Variants in COPRS observed in about 807,000 individuals in gnomAD.
COPRS encodes cooperator of PRMT5.
COPRS carries 11 observed loss-of-function variants against 19.9 expected under a neutral mutation model. The ratio of observed to expected loss-of-function variants is 0.55; its 90% CI spans 0.35 to 0.92. COPRS has a LOEUF of 0.92. COPRS is among the 40% of genes least tolerant of loss of function. The pLI is 0.01. For missense variants in COPRS, 225 were observed against 229.9 expected (o/e 0.98, Z 0.14); for synonymous variants, 81 against 82.7 (o/e 0.98, Z 0.11).
intron 1 of COPRS, among the ~76,000 whole-genome samples, chr17:31,857,923 G>C (rs1909413204): frequency 6.6e-6 from 1 of 152,064 alleles, no homozygotes. Context: ...AGTCATGTCT[G>C]GGTTTAATAA....
chr17:31,858,847 G>T (rs1308900153), intron 1 of COPRS: 1 of 1,547,482 alleles, frequency 6.5e-7, no homozygotes. Context: ...GGCGCCCAGC[G>T]GGCGGACAGC....
rs1189041214 is a variant in COPRS at position 31,859,013 on chromosome 17, G to A, written c.99+88C>T. ...GAGGCCGGCCAGAGGCGCTTCCCCG[G>A]CCCCGCGGCCCCCGCCCAGCCCGGC... On this transcript the variant is annotated intron_variant, in intron 1 of 3. Coordinates refer to ENST00000302362, the MANE Select transcript of COPRS (RefSeq NM_018405.4). The A allele has an allele frequency of 4.9e-6, 6 of 1,212,880 alleles. No individual in the cohort carries two copies. The African/African-American group carries it at 6.4e-5, about 13-fold the overall frequency. 75.1% of individuals were successfully genotyped at this position (1,212,880 alleles called of 1,614,324 possible).
At chr17:31,858,903 C>CCCCGCA (rs1909445265) in intron 1 of COPRS, 198 bp downstream of exon 1, 2 of 1,507,404 alleles carry the variant, frequency 1.3e-6, no homozygotes, top group Admixed American at 4.2e-5. Context: ...CGGCTTTCCC[C>CCCCGCA]GCCCCGCAGC....
At chr17:31,854,841 A>C (rs191962264) in intron 2 of COPRS, among the ~76,000 whole-genome samples, 14 of 152,224 alleles carry the variant, frequency 9.2e-5, no homozygotes, top group Admixed American at 8.5e-4. Context: ...GAGAATGACT[A>C]CTTGGTGAGC....
At chr17:31,858,289 T>C (rs1217152357) in intron 1 of COPRS, 1 of 824,370 alleles carries the variant, frequency 1.2e-6, no homozygotes, top group Non-Finnish European at 1.5e-6. Context: ...TTTCCTGCTA[T>C]GCCCTGACAA....
intron 2 of COPRS, among the ~76,000 whole-genome samples, chr17:31,855,799 C>T (rs757337362): frequency 5.9e-5 from 9 of 151,998 alleles, no homozygotes; most frequent in Non-Finnish European, 1.0e-4. Context: ...AGTTCGAGAC[C>T]AGCCTGGCTA....
At position 31,858,721 on chromosome 17, in the gene COPRS, G is replaced by T. The variant is rs571051544; in HGVS notation, c.99+380C>A. ...CCCACCAACGGACAGAGGTCCACAG[G>T]TCTGTAAAGTCAAGTCCCTCTCCTC... is the stretch of plus-strand genomic sequence containing the variant. On this transcript the variant is annotated intron_variant, in intron 1 of 3. Transcript: ENST00000302362. 15 of 1,538,092 alleles carry T rather than the reference G, an allele frequency of 9.8e-6. No individual in the cohort carries two copies. The South Asian group carries it at 1.7e-4, about 17-fold the overall frequency.
intron 2 of COPRS, among the ~76,000 whole-genome samples, chr17:31,853,382 C>CTTT (rs397764121): frequency 7.2e-6 from 1 of 139,806 alleles, no homozygotes; most frequent in Admixed American, 7.2e-5. Flanking sequence ...AGTTTTTGCT[C>CTTT]TTTTTTTTTT....
intron 2 of COPRS, among the ~76,000 whole-genome samples, chr17:31,853,977 GAAC>G (rs1436129620): frequency 6.6e-6 from 1 of 152,156 alleles, no homozygotes; most frequent in East Asian, 1.9e-4. Context: ...CTTAATACTG[GAAC>G]AACAGTAACA....
intron 3 of COPRS, 27 bp from the exon 4 acceptor site, chr17:31,852,335 A>G: frequency 6.4e-7 from 1 of 1,571,978 alleles, no homozygotes; most frequent in Non-Finnish European, 8.7e-7. Flanking sequence ...AAGACAGATT[A>G]AGGGAAGGAA....
intron 2 of COPRS, among the ~76,000 whole-genome samples, chr17:31,853,599 C>T (rs1371346434): frequency 2.2e-4 from 33 of 152,152 alleles, no homozygotes; most frequent in Admixed American, 2.2e-3. Context: ...CCAGGCTGGT[C>T]TTGAACCCCT....
intron 3 of COPRS, 88 bp downstream of exon 3, chr17:31,852,724 G>A: frequency 1.1e-6 from 1 of 884,944 alleles, no homozygotes; most frequent in South Asian, 1.3e-5. Context: ...CATAGATGTG[G>A]ACCCCTGTTC....
chr17:31,852,869 C>T lies in COPRS; in HGVS notation c.328G>A (p.Asp110Asn), dbSNP rs777823563. The T allele has an allele frequency of 6.2e-6, 10 of 1,614,186 alleles. No homozygotes were observed. In the East Asian group the frequency reaches 6.7e-5, roughly 11 times the overall value. ...TNCPPKEQPGDLFNEDWDSEL... is the reference protein window; with the variant it reads ...TNCPPKEQPGNLFNEDWDSEL... ...GAGTCCCAGTCCTCATTAAAAAGAT[C>T]GCCAGGCTGTTCCTTGGGTGGACAG... is the stretch of plus-strand genomic sequence containing the variant. Residue 110 changes from aspartate to asparagine, a missense_variant, in exon 3 of 4, where the codon GAT (aspartate) becomes AAT (asparagine). This residue lies in a region of COPRS where 170 missense variants were observed against 171.4 expected (regional missense o/e 0.99). Coordinates refer to ENST00000302362, the MANE Select transcript of COPRS (RefSeq NM_018405.4).
chr17:31,855,229 A>G (rs1473673359), intron 2 of COPRS, among the ~76,000 whole-genome samples: 2 of 152,116 alleles, frequency 1.3e-5, no homozygotes, highest in East Asian at 3.9e-4. Flanking sequence ...TACAAAAATT[A>G]GGCCGGGAGC....
chr17:31,852,670 G>A, intron 3 of COPRS, 142 bp downstream of exon 3: 1 of 715,056 alleles, frequency 1.4e-6, no homozygotes, highest in Non-Finnish European at 2.5e-6. Context: ...AAAAGAGAAG[G>A]TGTCACAGAA....
In COPRS at chr17:31,852,884, T is replaced by TG; in HGVS notation, c.312dup (p.Lys105GlnfsTer9). The TG allele has an allele frequency of 1.2e-6, 2 of 1,614,188 alleles. No individual in the cohort carries two copies. Among genetic ancestry groups the TG allele is most frequent in the Non-Finnish European group, 1.7e-6 (2 of 1,180,016 alleles). On this transcript the variant is annotated frameshift_variant, in exon 3 of 4. Transcript: ENST00000302362. LOFTEE classifies it high-confidence loss of function. ...TTAAAAAGATCGCCAGGCTGTTCCT[T>TG]GGGTGGACAGTTTGTCCCTTCTGAC... is the stretch of plus-strand genomic sequence containing the variant.
intron 2 of COPRS, among the ~76,000 whole-genome samples, chr17:31,856,133 G>C (rs575688948): frequency 6.6e-6 from 1 of 151,996 alleles, no homozygotes; most frequent in Non-Finnish European, 1.5e-5. Context: ...TCAGGAGTTC[G>C]AGACCAGCCT....
chr17:31,855,321 C>G (rs1170726729), intron 2 of COPRS, among the ~76,000 whole-genome samples: 1 of 152,032 alleles, frequency 6.6e-6, no homozygotes, highest in Non-Finnish European at 1.5e-5. Flanking sequence ...ACCATCCTAA[C>G]AAGGTAAAAT....
chr17:31,852,074 T>C lies in COPRS; in HGVS notation c.*65A>G, dbSNP rs1909180744. Reference sequence around the variant, plus strand: ...ATTTTCTCAGATATGACTTTTCACCTCCAAGACAGGAAAAGAGATCTTGAC... The same window carrying C: ...ATTTTCTCAGATATGACTTTTCACCCCCAAGACAGGAAAAGAGATCTTGAC... On this transcript the variant is annotated 3_prime_UTR_variant, in exon 4 of 4. Coordinates refer to ENST00000302362, the MANE Select transcript of COPRS (RefSeq NM_018405.4). 9 of 1,595,588 alleles carry C rather than the reference T, an allele frequency of 5.6e-6. No homozygotes were observed. In the Admixed American group the frequency reaches 1.5e-4, roughly 27 times the overall value.
Sources: gnomAD v4.1 joint callset for allele counts (sites outside exome capture counted in the v4.1 genomes callset) on GRCh38, gnomAD v4.1.1 for gene constraint, gnomAD v4.1.1 regional missense constraint, MANE v1.5 for transcripts, NCBI Gene and HGNC (gene_info 2026-07-23, HGNC 2026-07-21) for gene names.